The following MCC variants were observed in gnomAD, a reference collection of about 807,000 sequenced individuals.
The protein encoded by MCC is MCC regulator of Wnt signaling pathway, also known as colorectal mutant cancer protein.
A neutral mutation model predicts 116.2 loss-of-function variants in MCC; 90 were observed. The observed-to-expected ratio is 0.77, with a 90% CI of 0.65 to 0.92. MCC has a LOEUF of 0.92. Among genes scored for constraint, MCC ranks in the 40% least tolerant of loss-of-function variants. MCC has a pLI of 0.00. For missense variants in MCC, 1,516 were observed against 1,312.2 expected (o/e 1.16, Z -2.40); for synonymous variants, 578 against 510.5 (o/e 1.13, Z -1.78).
Position 113,400,797 on chromosome 5 carries a change from GAA to G in MCC, c.171-15587_171-15586del, listed in dbSNP as rs1490969227. The stretch of plus-strand genomic sequence containing the variant: ...TAAACAGCTTGGTGGATGAATGAAT[GAA>G]CAAAGAGCACCTTTTTGTTAATCTC... On this transcript the variant is annotated intron_variant, in intron 1 of 18. Transcript: ENST00000408903. Among the ~76,000 whole-genome samples, 5 of 152,294 alleles carry G rather than the reference GAA, an allele frequency of 3.3e-5. No homozygotes were observed. The East Asian group carries it at 9.7e-4, about 29-fold the overall frequency.
intron 1 of MCC, among the ~76,000 whole-genome samples, chr5:113,465,547 A>C (rs1202799889): frequency 6.6e-6 from 1 of 152,202 alleles, no homozygotes; most frequent in Non-Finnish European, 1.5e-5. Flanking sequence ...AACCATATAA[A>C]GCTTATATTT....
intron 3 of MCC, among the ~76,000 whole-genome samples, chr5:113,294,006 G>A (rs1766614427): frequency 6.6e-6 from 1 of 152,198 alleles, no homozygotes; most frequent in Non-Finnish European, 1.5e-5. Flanking sequence ...ATAAAAGGGT[G>A]TATATAAATT....
rs529188629 is a variant in MCC at position 113,049,000 on chromosome 5, G to A, written c.2655+93C>T. On this transcript the variant is annotated intron_variant, in intron 16 of 18. Coordinates refer to ENST00000408903, the MANE Select transcript of MCC (RefSeq NM_001085377.2). ...TTTCCTATGCAAATACAAGAACTGA[G>A]GCAGCAGGGCGGTGAGGTGTGGCCA... is the stretch of plus-strand genomic sequence containing the variant. 3.4e-6 allele frequency: 4 copies of A among 1,188,190 alleles called. No individual in the cohort carries two copies. The South Asian group carries it at 5.4e-5, about 16-fold the overall frequency. The allele number at this position is 1,188,190 out of a possible 1,614,324, so 73.6% of individuals were successfully genotyped here. A position where few individuals can be genotyped will look rare whatever the true frequency, so the allele number is the denominator to read the frequency against.
At chr5:113,220,274 T>C (rs1257316016) in intron 3 of MCC, among the ~76,000 whole-genome samples, 3 of 151,868 alleles carry the variant, frequency 2.0e-5, no homozygotes, top group Admixed American at 2.0e-4. Flanking sequence ...TTAGCCAGGA[T>C]GGTCTCGATC....
rs181385603 is a variant in MCC at position 113,096,075 on chromosome 5, G to C, written c.1398+5664C>G. ...CTAGCTCAGATGACCCTGGTGAAGG[G>C]ACAGTGCAGGGCAGGCTCCACATAG... is the stretch of plus-strand genomic sequence containing the variant. On this transcript the variant is annotated intron_variant, in intron 8 of 18. Transcript: ENST00000408903. Among the ~76,000 whole-genome samples the C allele has an allele frequency of 7.8e-3, 1,189 of 152,294 alleles. 11 individuals carry two copies. Among genetic ancestry groups the C allele is most frequent in the Non-Finnish European group, 0.012 (825 of 68,026 alleles).
At chr5:113,308,718 G>A (rs1767059297) in intron 3 of MCC, among the ~76,000 whole-genome samples, 1 of 152,030 alleles carries the variant, frequency 6.6e-6, no homozygotes, top group African/African-American at 2.4e-5. Context: ...CGCTGAAGTG[G>A]GAGGATTGCT....
intron 3 of MCC, among the ~76,000 whole-genome samples, chr5:113,302,744 G>C (rs1466009272): frequency 1.3e-5 from 2 of 152,194 alleles, no homozygotes; most frequent in Admixed American, 1.3e-4. Context: ...TGATAGGTAT[G>C]TGGGAATTCA....
rs139035084 is a variant in MCC, at chr5:113,220,350, C to T, written c.628-68928G>A. ...CTGGGATTTCAGGCGTGAGCCACTG[C>T]GCCCGGCCAGCATGTCAATTTCTAC... is the stretch of plus-strand genomic sequence containing the variant. On this transcript the variant is annotated intron_variant, in intron 3 of 18. Transcript: ENST00000408903. Among the ~76,000 whole-genome samples, 38 of 151,972 alleles carry T rather than the reference C, an allele frequency of 2.5e-4. No individual in the cohort carries two copies. The East Asian group carries it at 4.3e-3, about 17-fold the overall frequency.
At chr5:113,099,990 G>A (rs1756294929) in intron 8 of MCC, among the ~76,000 whole-genome samples, 1 of 152,132 alleles carries the variant, frequency 6.6e-6, no homozygotes, top group Admixed American at 6.5e-5. Context: ...CAGGTGGCGT[G>A]GGCTTTAGTG....
At chr5:113,067,048 G>C (rs900386017) in intron 13 of MCC, among the ~76,000 whole-genome samples, 2 of 152,214 alleles carry the variant, frequency 1.3e-5, no homozygotes, top group African/African-American at 4.8e-5. Context: ...CATCACTGCA[G>C]GCTCGGAGCC....
intron 3 of MCC, among the ~76,000 whole-genome samples, chr5:113,173,270 A>G (rs1692408186): frequency 1.3e-5 from 2 of 152,042 alleles, no homozygotes; most frequent in South Asian, 4.1e-4. Flanking sequence ...GTTTTCTTTT[A>G]TGTGGTCATT....
chr5:113,142,191 T>C (rs1019062226), intron 5 of MCC, among the ~76,000 whole-genome samples: 1 of 147,110 alleles, frequency 6.8e-6, no homozygotes, highest in African/African-American at 2.4e-5. Context: ...TGGAACAAAA[T>C]GCATCCAAAG....
intron 2 of MCC, among the ~76,000 whole-genome samples, chr5:113,380,633 T>G (rs1359547718): frequency 6.6e-6 from 1 of 152,126 alleles, no homozygotes; most frequent in Non-Finnish European, 1.5e-5. Flanking sequence ...GGAAATTTAT[T>G]TGTATGGGGA....
chr5:113,375,589 T>C (rs1768961427), intron 2 of MCC, among the ~76,000 whole-genome samples: 2 of 152,202 alleles, frequency 1.3e-5, no homozygotes, highest in African/African-American at 2.4e-5. Flanking sequence ...GATGTGACTA[T>C]AGTCATCTGG....
chr5:113,467,285 C>A (rs1231831001), intron 1 of MCC, among the ~76,000 whole-genome samples: 1 of 148,998 alleles, frequency 6.7e-6, no homozygotes, highest in African/African-American at 2.5e-5. Flanking sequence ...ATGGTATTGC[C>A]TAGGTTTTCT....
At chr5:113,171,461 T>G (rs1761068684) in intron 3 of MCC, among the ~76,000 whole-genome samples, 1 of 151,908 alleles carries the variant, frequency 6.6e-6, no homozygotes, top group Non-Finnish European at 1.5e-5. Context: ...TTCAAGCTAT[T>G]CTGGTGCCTC....
chr5:113,399,649 T>A (rs1261931305), intron 1 of MCC, among the ~76,000 whole-genome samples: 1 of 152,156 alleles, frequency 6.6e-6, no homozygotes, highest in Non-Finnish European at 1.5e-5. Flanking sequence ...TTGGATTCAT[T>A]TCTACTTATG....
intron 11 of MCC, among the ~76,000 whole-genome samples, chr5:113,074,120 G>C (rs1163503533): frequency 1.3e-5 from 2 of 152,238 alleles, no homozygotes; most frequent in African/African-American, 2.4e-5. Context: ...CTAACTGGGA[G>C]ACACCTCCCA....
chr5:113,108,526 G>C (rs1239463515), intron 6 of MCC, among the ~76,000 whole-genome samples: 2 of 151,418 alleles, frequency 1.3e-5, no homozygotes, highest in African/African-American at 4.9e-5. Context: ...AGTGGTGCGG[G>C]CCTGTAATCC....
Sources: allele counts gnomAD v4.1 joint callset (sites outside exome capture counted in the v4.1 genomes callset), GRCh38; gene constraint gnomAD v4.1.1; transcripts MANE v1.5; gene names NCBI Gene and HGNC (gene_info 2026-07-23, HGNC 2026-07-21).